PHACTR1: variants seen among roughly 807,000 people sequenced by gnomAD.
The protein encoded by PHACTR1 is phosphatase and actin regulator 1, also known as RPEL repeat containing 1.
A neutral mutation model predicts 69.2 loss-of-function variants in PHACTR1; 16 were observed. That is an observed-to-expected ratio of 0.23 (90% confidence interval 0.16 to 0.35). The LOEUF is 0.35. Ranked by LOEUF, PHACTR1 falls within the 10% of genes least tolerant of loss-of-function variation. The pLI is 1.00. For missense variants in PHACTR1, 510 were observed against 734.7 expected (o/e 0.69, Z 3.54); for synonymous variants, 312 against 284.5 (o/e 1.10, Z -0.97).
chr6:13,213,560 C>T (rs1284088256), intron 8 of PHACTR1, among the ~76,000 whole-genome samples: 1 of 152,178 alleles, frequency 6.6e-6, no homozygotes, highest in Middle Eastern at 3.2e-3. Flanking sequence ...AGTGTCTCTC[C>T]TCCAAAATTC....
chr6:13,116,025 G>A (rs1817766232), intron 5 of PHACTR1, among the ~76,000 whole-genome samples: 1 of 152,178 alleles, frequency 6.6e-6, no homozygotes, highest in Non-Finnish European at 1.5e-5. Context: ...TGCTTAGTGT[G>A]CTGCAGACTG....
At chr6:13,073,274 AG>A (rs1809832994) in intron 5 of PHACTR1, among the ~76,000 whole-genome samples, 1 of 147,550 alleles carries the variant, frequency 6.8e-6, no homozygotes, top group Non-Finnish European at 1.5e-5. Context: ...TTTCTTAGGT[AG>A]TTCCCTAAGA....
chr6:13,239,241 T>G (rs777466399), intron 10 of PHACTR1, among the ~76,000 whole-genome samples: 3 of 152,168 alleles, frequency 2.0e-5, no homozygotes, highest in Non-Finnish European at 4.4e-5. Flanking sequence ...AAACTGAAAT[T>G]GTGTGTTGGG....
intron 3 of PHACTR1, among the ~76,000 whole-genome samples, chr6:12,721,976 A>G (rs1762191045): frequency 6.6e-6 from 1 of 152,222 alleles, no homozygotes; most frequent in South Asian, 2.1e-4. Context: ...GCTCTTGAGA[A>G]ACACATTTGA....
chr6:12,875,305 G>T (rs1582224960), intron 4 of PHACTR1, among the ~76,000 whole-genome samples: 1 of 152,174 alleles, frequency 6.6e-6, no homozygotes, highest in Non-Finnish European at 1.5e-5. Context: ...TGAGCCCTGG[G>T]CCAGGAGTCA....
At chr6:13,072,171 C>T (rs953217400) in intron 5 of PHACTR1, among the ~76,000 whole-genome samples, 5 of 152,150 alleles carry the variant, frequency 3.3e-5, no homozygotes, top group South Asian at 2.1e-4. Context: ...CTCATAATAA[C>T]GTGCCATTCC....
At chr6:12,846,987 G>GC (rs538693065) in intron 4 of PHACTR1, among the ~76,000 whole-genome samples, 4 of 147,304 alleles carry the variant, frequency 2.7e-5, no homozygotes, top group Non-Finnish European at 6.0e-5. Context: ...TTTTTTCTTT[G>GC]TTTTTTTTTT....
intron 6 of PHACTR1, among the ~76,000 whole-genome samples, chr6:13,176,036 G>A (rs951618812): frequency 1.3e-5 from 2 of 152,096 alleles, no homozygotes; most frequent in African/African-American, 2.4e-5. Flanking sequence ...TGAAGCAGCA[G>A]TTAAGAGGGG....
intron 10 of PHACTR1, among the ~76,000 whole-genome samples, chr6:13,230,660 A>T (rs1275972457): frequency 6.6e-6 from 1 of 151,730 alleles, no homozygotes; most frequent in Admixed American, 6.6e-5. Flanking sequence ...AATTCACTTG[A>T]TTCAAGGTTC....
At chr6:12,729,603 C>G (rs1763229432) in intron 3 of PHACTR1, among the ~76,000 whole-genome samples, 1 of 152,148 alleles carries the variant, frequency 6.6e-6, no homozygotes, top group Admixed American at 6.5e-5. Context: ...GCACGTGAGG[C>G]TGTGCCATGC....
intron 4 of PHACTR1, among the ~76,000 whole-genome samples, chr6:12,760,752 A>G (rs938023514): frequency 1.3e-5 from 2 of 152,064 alleles, no homozygotes; most frequent in Non-Finnish European, 2.9e-5. Context: ...GCCCAACATG[A>G]TGAAACCCCA....
chr6:12,756,268 T>C (rs145698283), intron 4 of PHACTR1, among the ~76,000 whole-genome samples: 19 of 152,290 alleles, frequency 1.2e-4, no homozygotes, highest in Non-Finnish European at 1.9e-4. Context: ...GCCAATGTCT[T>C]GTAAGGGCCT....
intron 4 of PHACTR1, among the ~76,000 whole-genome samples, chr6:13,042,345 A>G (rs1804319360): frequency 6.6e-6 from 1 of 152,180 alleles, no homozygotes; most frequent in South Asian, 2.1e-4. Context: ...AGTATGATGG[A>G]ATTTTCTACA....
At chr6:13,042,620 C>T (rs941461842) in intron 4 of PHACTR1, among the ~76,000 whole-genome samples, 1 of 152,194 alleles carries the variant, frequency 6.6e-6, no homozygotes, top group African/African-American at 2.4e-5. Flanking sequence ...GAAGAGACAG[C>T]ACAGTTGAGA....
At chr6:12,778,120 G>T (rs924897695) in intron 4 of PHACTR1, among the ~76,000 whole-genome samples, 1 of 152,122 alleles carries the variant, frequency 6.6e-6, no homozygotes, top group Admixed American at 6.5e-5. Flanking sequence ...ATGAATTATT[G>T]TGTCTCTGGC....
intron 5 of PHACTR1, among the ~76,000 whole-genome samples, chr6:13,136,298 A>G (rs546959315): frequency 6.6e-6 from 1 of 152,228 alleles, no homozygotes; most frequent in African/African-American, 2.4e-5. Context: ...TTCACCTTTC[A>G]CTTTTATGTT....
rs116587928 is a variant in PHACTR1 at position 12,721,543 on chromosome 6, A to G, written c.103+2696A>G. On this transcript the variant is annotated intron_variant, in intron 3 of 14. Transcript: ENST00000332995. The stretch of plus-strand genomic sequence containing the variant: ...TCATTTCTTGTCCTGTCAAAACCCA[A>G]CTCAGGGCATAACTGAAAAATAGCT... 2.6e-3 allele frequency among the ~76,000 whole-genome samples: 403 copies of G among 152,246 alleles called. 1 individual carries two copies. Among genetic ancestry groups the G allele is most frequent in the African/African-American group, 9.1e-3 (379 of 41,538 alleles).
In PHACTR1 at chr6:13,249,292, G is replaced by A. The variant is rs79668746; in HGVS notation, c.1391+19099G>A. 1.8e-3 allele frequency among the ~76,000 whole-genome samples: 277 copies of A among 151,954 alleles called. 1 individual carries two copies. The highest frequency in any genetic ancestry group is 6.2e-3 in the African/African-American group (257 of 41,408). ...TGCATGTGAGGGATCTCGGTTTCAC[G>A]TTCCTTATGAGACTCTAACTTACGC... On this transcript the variant is annotated intron_variant, in intron 10 of 14. Transcript: ENST00000332995.
chr6:12,886,498 A>T (rs1783657534), intron 4 of PHACTR1, among the ~76,000 whole-genome samples: 1 of 152,084 alleles, frequency 6.6e-6, no homozygotes, highest in Admixed American at 6.5e-5. Context: ...GTCATATTTT[A>T]TGCCCATTTT....
Sources: allele counts gnomAD v4.1 joint callset (sites outside exome capture counted in the v4.1 genomes callset), GRCh38; gene constraint gnomAD v4.1.1; transcripts MANE v1.5; gene names NCBI Gene and HGNC (gene_info 2026-07-23, HGNC 2026-07-21).